The following BCAS3 variants were observed in gnomAD, a reference collection of about 807,000 sequenced individuals.
The protein encoded by BCAS3 is BCAS4/BCAS3 fusion.
Under a neutral mutation model 116.1 loss-of-function variants are expected in BCAS3, and 53 were observed. The ratio of observed to expected loss-of-function variants is 0.46; its 90% CI spans 0.37 to 0.57. The LOEUF (loss-of-function observed/expected upper bound fraction) is 0.57. Ranked by LOEUF, BCAS3 falls within the 20% of genes least tolerant of loss-of-function variation. The pLI, the probability that BCAS3 is intolerant of heterozygous loss-of-function variation, is 0.00. For synonymous variants in BCAS3, 391 were observed against 408.2 expected (o/e 0.96, Z 0.51); for missense variants, 917 against 1,165.4 (o/e 0.79, Z 3.10).
chr17:60,695,624 A>G (rs1242434274), intron 4 of BCAS3, among the ~76,000 whole-genome samples: 1 of 152,086 alleles, frequency 6.6e-6, no homozygotes, highest in Non-Finnish European at 1.5e-5. Flanking sequence ...TTTAGAGACA[A>G]GTCTTGCTGT....
At chr17:60,736,860 T>C (rs550309800) in intron 5 of BCAS3, among the ~76,000 whole-genome samples, 1 of 151,976 alleles carries the variant, frequency 6.6e-6, no homozygotes, top group African/African-American at 2.4e-5. Context: ...GGATCTTTAG[T>C]GATCTCCCCT....
intron 22 of BCAS3, among the ~76,000 whole-genome samples, chr17:61,231,979 G>A (rs1490657609): frequency 6.6e-6 from 1 of 151,548 alleles, no homozygotes; most frequent in East Asian, 1.9e-4. Flanking sequence ...GGCCGAGGGG[G>A]GTGGATCACA....
chr17:60,968,355 A>G (rs867017639), intron 14 of BCAS3, among the ~76,000 whole-genome samples: 1 of 152,054 alleles, frequency 6.6e-6, no homozygotes, highest in South Asian at 2.1e-4. Flanking sequence ...AGCTAGGACT[A>G]CAGGCACGTG....
chr17:61,072,686 A>G lies in BCAS3; in HGVS notation c.2030-2234A>G, dbSNP rs573415159. Among the ~76,000 whole-genome samples the G allele has an allele frequency of 1.5e-4, 23 of 151,052 alleles. No homozygotes were observed. In the South Asian group the frequency reaches 4.8e-3, roughly 31 times the overall value. On this transcript the variant is annotated intron_variant, in intron 19 of 23. Transcript: ENST00000407086. Reference sequence around the variant, plus strand: ...CTCGAGCTTTATTACCAAAAAAAAAAAAAAAAAAGAAGAAAGGAAAAGCCC... The same window carrying G: ...CTCGAGCTTTATTACCAAAAAAAAAGAAAAAAAAGAAGAAAGGAAAAGCCC...
At chr17:61,271,645 C>T (rs570486495) in intron 22 of BCAS3, among the ~76,000 whole-genome samples, 2 of 127,078 alleles carry the variant, frequency 1.6e-5, no homozygotes, top group African/African-American at 3.1e-5. Flanking sequence ...TTAGTAGAGA[C>T]GGGGTTTCAC....
intron 11 of BCAS3, among the ~76,000 whole-genome samples, chr17:60,903,881 C>A (rs2058052029): frequency 6.6e-6 from 1 of 152,168 alleles, no homozygotes; most frequent in Admixed American, 6.5e-5. Context: ...ACAACGAGAT[C>A]TTTTTCTCAA....
At position 61,349,690 on chromosome 17, in the gene BCAS3, G is replaced by A. The variant is rs1261195539; in HGVS notation, c.2426-18637G>A. On this transcript the variant is annotated intron_variant, in intron 22 of 23. Coordinates refer to ENST00000407086, the MANE Select transcript of BCAS3 (RefSeq NM_017679.5). The surrounding 1 kb of genome is among the most constrained non-coding windows in gnomAD (Gnocchi z 4.7). Reference sequence around the variant, plus strand: ...GGAAGAGGTACCATATGTAGACAAAGAAGACGTTTTTGGGCAATTGCCATG... The same window carrying A: ...GGAAGAGGTACCATATGTAGACAAAAAAGACGTTTTTGGGCAATTGCCATG... Among the ~76,000 whole-genome samples, 5 of 152,204 alleles carry A rather than the reference G, an allele frequency of 3.3e-5. No homozygotes were observed. The highest frequency in any genetic ancestry group is 4.8e-5 in the African/African-American group (2 of 41,460).
intron 15 of BCAS3, among the ~76,000 whole-genome samples, chr17:60,996,028 A>G (rs2063814082): frequency 6.6e-6 from 1 of 152,154 alleles, no homozygotes; most frequent in Non-Finnish European, 1.5e-5. Flanking sequence ...TGTGCCTGGC[A>G]TGTTCAAGGA....
intron 6 of BCAS3, among the ~76,000 whole-genome samples, chr17:60,796,929 A>G (rs538200220): frequency 1.3e-3 from 197 of 152,236 alleles, no homozygotes; most frequent in African/African-American, 4.6e-3. Context: ...TTTTTGAGAC[A>G]GAGTCGCGCT....
At chr17:60,684,945 G>A (rs1346157351) in intron 3 of BCAS3, among the ~76,000 whole-genome samples, 2 of 152,262 alleles carry the variant, frequency 1.3e-5, no homozygotes, top group African/African-American at 2.4e-5. Context: ...CAGTGTTATG[G>A]TAATATAGTA....
chr17:61,261,920 G>GA lies in BCAS3; in HGVS notation c.2426-106406dup, dbSNP rs2144589727. On this transcript the variant is annotated intron_variant, in intron 22 of 23. Transcript: ENST00000407086. The surrounding 1 kb of genome is among the most constrained non-coding windows in gnomAD (Gnocchi z 4.4). ...CTGGGGGCAGAGCTTTAGAATTTAG[G>GA]ATGGTTTTCCTAGTGAAGAGAAAGC... 6.6e-6 allele frequency among the ~76,000 whole-genome samples: 1 copy of GA among 152,286 alleles called. No individual in the cohort carries two copies. The highest frequency in any genetic ancestry group is 2.4e-5 in the African/African-American group (1 of 41,552).
At position 61,258,378 on chromosome 17, in the gene BCAS3, GC is replaced by G. The variant is rs1038980188; in HGVS notation, c.2426-109948del. Among the ~76,000 whole-genome samples, 1 of 152,198 alleles carries G rather than the reference GC, an allele frequency of 6.6e-6. No individual in the cohort carries two copies. Among genetic ancestry groups the G allele is most frequent in the African/African-American group, 2.4e-5 (1 of 41,442 alleles). ...TGTGTAGCGTAGTTCCTAGGAGGCT[GC>G]ATGGTATGATCAAAAGAACACAGGT... On this transcript the variant is annotated intron_variant, in intron 22 of 23. Transcript: ENST00000407086. The surrounding 1 kb of genome is among the most constrained non-coding windows in gnomAD (Gnocchi z 4.7).
At chr17:60,909,768 G>A (rs939863652) in intron 11 of BCAS3, among the ~76,000 whole-genome samples, 1 of 151,994 alleles carries the variant, frequency 6.6e-6, no homozygotes, top group Non-Finnish European at 1.5e-5. Context: ...TATTCACATA[G>A]AAGAAAAAAT....
chr17:61,142,831 T>C (rs774719921), intron 22 of BCAS3, among the ~76,000 whole-genome samples: 29 of 152,216 alleles, frequency 1.9e-4, no homozygotes, highest in Non-Finnish European at 3.8e-4. Flanking sequence ...ATTATGTTTT[T>C]CTATTTTGAT....
intron 22 of BCAS3, among the ~76,000 whole-genome samples, chr17:61,093,601 A>T (rs933908601): frequency 1.3e-5 from 2 of 152,172 alleles, no homozygotes; most frequent in South Asian, 2.1e-4. Flanking sequence ...ACAAAAAAAA[A>T]TTTTATTTTG....
chr17:60,718,668 C>G (rs2038912520), intron 5 of BCAS3, among the ~76,000 whole-genome samples: 1 of 152,096 alleles, frequency 6.6e-6, no homozygotes, highest in African/African-American at 2.4e-5. Flanking sequence ...TTAGCATTAC[C>G]ATTTCCCTGA....
chr17:61,131,218 T>C lies in BCAS3; in HGVS notation c.2425+46654T>C, dbSNP rs2076324404. Among the ~76,000 whole-genome samples, 1 of 152,218 alleles carries C rather than the reference T, an allele frequency of 6.6e-6. No individual in the cohort carries two copies. Among genetic ancestry groups the C allele is most frequent in the South Asian group, 2.1e-4 (1 of 4,828 alleles). On this transcript the variant is annotated intron_variant, in intron 22 of 23. Transcript: ENST00000407086. The surrounding 1 kb of genome is among the most constrained non-coding windows in gnomAD (Gnocchi z 4.4). The stretch of plus-strand genomic sequence containing the variant: ...ATACTATGTGTTTGTAATTTTATGA[T>C]TATAATTCCATTTAAGTAAAATAAC...
intron 22 of BCAS3, among the ~76,000 whole-genome samples, chr17:61,149,743 T>G (rs2077442230): frequency 6.6e-6 from 1 of 152,248 alleles, no homozygotes; most frequent in African/African-American, 2.4e-5. Context: ...CACCCTGTTA[T>G]GGCAAATGTC....
Position 61,249,971 on chromosome 17 carries a change from A to C in BCAS3, c.2426-118356A>C, listed in dbSNP as rs989135720. Among the ~76,000 whole-genome samples, 2 of 152,300 alleles carry C rather than the reference A, an allele frequency of 1.3e-5. No homozygotes were observed. The highest frequency in any genetic ancestry group is 2.9e-5 in the Non-Finnish European group (2 of 68,014). ...ATCAGAAATTGAATGAGGCAGGCTT[A>C]AAGAGGATCAGAAAACAAGATACCA... On this transcript the variant is annotated intron_variant, in intron 22 of 23. Coordinates refer to ENST00000407086, the MANE Select transcript of BCAS3 (RefSeq NM_017679.5). This position sits in a 1 kb window ranked among gnomAD's most constrained non-coding sequence, Gnocchi z 6.2.
Sources: gnomAD v4.1 joint callset for allele counts (sites outside exome capture counted in the v4.1 genomes callset) on GRCh38, gnomAD v4.1.1 for gene constraint, Gnocchi (gnomAD v3.1) non-coding constraint, MANE v1.5 for transcripts, NCBI Gene and HGNC (gene_info 2026-07-23, HGNC 2026-07-21) for gene names.